EDA: variants seen among roughly 807,000 people sequenced by gnomAD.
EDA encodes ectodysplasin-A.
A neutral mutation model predicts 23.6 loss-of-function variants in EDA; 2 were observed. The ratio of observed to expected loss-of-function variants is 0.08; its 90% confidence interval spans 0.03 to 0.27. The LOEUF is 0.27. Ranked by LOEUF, EDA falls within the 10% of genes least tolerant of loss-of-function variation. The pLI, the probability that EDA is intolerant of heterozygous loss-of-function variation, is 1.00. For synonymous variants in EDA, 131 were observed against 132.0 expected, an observed-to-expected ratio of 0.99 and a Z score of 0.05; for missense variants, 229 against 324.2, an observed-to-expected ratio of 0.71 and a Z score of 2.26.
At chrX:69,949,186 G>C (rs1393070507) in intron 1 of EDA, among the ~76,000 whole-genome samples, 1 of 111,824 alleles carries the variant, frequency 8.9e-6, no homozygotes, top group Non-Finnish European at 1.9e-5. Context: ...ACAGAGCCTG[G>C]TATGTACCTG....
intron 1 of EDA, among the ~76,000 whole-genome samples, chrX:69,721,581 G>A (rs955104805): frequency 1.8e-5 from 2 of 111,012 alleles, no homozygotes; most frequent in African/African-American, 3.3e-5. Context: ...TTGATCCACC[G>A]TGCTGGTGAC....
intron 1 of EDA, among the ~76,000 whole-genome samples, chrX:69,913,917 G>A (rs1003336511): frequency 1.8e-5 from 2 of 111,733 alleles, no homozygotes; most frequent in African/African-American, 3.3e-5. Context: ...GGAACAGCTG[G>A]TTGTTGGGTA....
At chrX:69,857,499 G>A (rs1169078442) in intron 1 of EDA, among the ~76,000 whole-genome samples, 1 of 108,939 alleles carries the variant, frequency 9.2e-6, no homozygotes, top group Non-Finnish European at 1.9e-5. Flanking sequence ...CTATCAGTGA[G>A]CATTGGATGT....
chrX:69,759,189 G>A (rs2014222191), intron 1 of EDA, among the ~76,000 whole-genome samples: 1 of 112,119 alleles, frequency 8.9e-6, no homozygotes, highest in South Asian at 3.7e-4. Flanking sequence ...ACTAATGATA[G>A]CTGGGATATA....
At chrX:69,779,349 A>G (rs1455553083) in intron 1 of EDA, among the ~76,000 whole-genome samples, 1 of 111,870 alleles carries the variant, frequency 8.9e-6, no homozygotes, top group Admixed American at 9.5e-5. Flanking sequence ...TCAGTGATAA[A>G]AAGGAATGGA....
intron 2 of EDA, among the ~76,000 whole-genome samples, chrX:70,006,563 G>A (rs1467285827): frequency 9.0e-6 from 1 of 111,308 alleles, no homozygotes; most frequent in African/African-American, 3.3e-5. Context: ...TTTCTTAATT[G>A]GATCATTTTT....
chrX:70,035,090 A>G (rs759192830), intron 7 of EDA, among the ~76,000 whole-genome samples: 1 of 111,914 alleles, frequency 8.9e-6, no homozygotes, highest in East Asian at 2.8e-4. Flanking sequence ...CAAATAGGGC[A>G]TGGTTCTTAG....
chrX:69,715,946 C>A (rs1424491938), intron 1 of EDA, among the ~76,000 whole-genome samples: 1 of 110,654 alleles, frequency 9.0e-6, no homozygotes, highest in African/African-American at 3.3e-5. Context: ...TTGTAGATTT[C>A]AGTTCCTCAT....
chrX:69,668,764 G>A (rs1041873598), intron 1 of EDA, among the ~76,000 whole-genome samples: 4 of 81,974 alleles, frequency 4.9e-5, no homozygotes, highest in Non-Finnish European at 6.6e-5. Context: ...TTGAGTAGAT[G>A]GGGTTTCACC....
At chrX:69,733,934 A>G (rs1312029030) in intron 1 of EDA, among the ~76,000 whole-genome samples, 1 of 109,575 alleles carries the variant, frequency 9.1e-6, no homozygotes, top group Non-Finnish European at 1.9e-5. Flanking sequence ...TTTTTTATCA[A>G]GGTAATAATC....
At chrX:69,927,205 C>G (rs1602540302) in intron 1 of EDA, among the ~76,000 whole-genome samples, 1 of 111,667 alleles carries the variant, frequency 9.0e-6, no homozygotes, top group South Asian at 3.8e-4. Context: ...ATGATGCTAT[C>G]TGGTTATTGT....
Position 69,825,442 on chromosome X carries a change from G to A in EDA, c.397-131585G>A, listed in dbSNP as rs375213522. On this transcript the variant is annotated intron_variant, in intron 1 of 7. Transcript: ENST00000374552. ...TTAGTCTTGGGAGAGTGTATGTGTCGAGGAATTTATCCATTTCTTCTAGAT... is the reference window on the plus strand; with the variant it reads ...TTAGTCTTGGGAGAGTGTATGTGTCAAGGAATTTATCCATTTCTTCTAGAT... Among the ~76,000 whole-genome samples, 40 of 79,472 alleles carry A rather than the reference G, an allele frequency of 5.0e-4. No homozygotes were observed. The East Asian group carries it at 7.1e-3, about 14-fold the overall frequency. 69.0% of individuals were successfully genotyped at this position (79,472 alleles called of 115,157 possible). A position where few individuals can be genotyped will look rare whatever the true frequency, so the allele number is the denominator to read the frequency against.
chrX:69,876,331 C>G (rs895095610), intron 1 of EDA, among the ~76,000 whole-genome samples: 1 of 109,218 alleles, frequency 9.2e-6, no homozygotes, highest in African/African-American at 3.3e-5. Context: ...ATGTACACTG[C>G]TCAGGTGATG....
At chrX:69,959,240 G>T (rs992099178) in intron 2 of EDA, among the ~76,000 whole-genome samples, 1 of 111,679 alleles carries the variant, frequency 9.0e-6, no homozygotes, top group African/African-American at 3.3e-5. Context: ...CTAGTCTCTT[G>T]GTGCCAATGC....
chrX:69,820,231 AC>A (rs2016185811), intron 1 of EDA, among the ~76,000 whole-genome samples: 1 of 112,294 alleles, frequency 8.9e-6, no homozygotes, highest in African/African-American at 3.2e-5. Context: ...TACACCATAT[AC>A]AAAAATTAAC....
intron 1 of EDA, among the ~76,000 whole-genome samples, chrX:69,707,479 A>G (rs2011774470): frequency 8.9e-6 from 1 of 111,924 alleles, no homozygotes; most frequent in Non-Finnish European, 1.9e-5. Context: ...TGTTTACGAT[A>G]AAGTCAGACA....
intron 1 of EDA, among the ~76,000 whole-genome samples, chrX:69,675,066 A>G (rs190217992): frequency 1.8e-5 from 2 of 111,282 alleles, no homozygotes; most frequent in Admixed American, 9.6e-5. Flanking sequence ...TCATTGAAGC[A>G]TTGACCTCCA....
intron 1 of EDA, among the ~76,000 whole-genome samples, chrX:69,730,717 T>C (rs978295029): frequency 1.3e-4 from 15 of 111,853 alleles, no homozygotes; most frequent in African/African-American, 4.5e-4. Context: ...CAAAGGAAAA[T>C]TGCTCAGTGC....
At chrX:69,810,257 CAAAAAAAAAAAAAAAAAAAAAAAA>C (rs1160638267) in intron 1 of EDA, among the ~76,000 whole-genome samples, 9 of 17,169 alleles carry the variant, frequency 5.2e-4, no homozygotes, top group Admixed American at 2.5e-3. Flanking sequence ...GACTCCATCT[CAAAAAAAAAAAAAAAAAAAAAAAA>C]AAAAAAAAAA....
Sources: allele counts gnomAD v4.1 joint callset (sites outside exome capture counted in the v4.1 genomes callset), GRCh38; gene constraint gnomAD v4.1.1; transcripts MANE v1.5; gene names NCBI Gene and HGNC (gene_info 2026-07-23, HGNC 2026-07-21).